The following HS3ST2 variants were observed in gnomAD, a reference collection of about 807,000 sequenced individuals.
HS3ST2 encodes heparan sulfate-glucosamine 3-sulfotransferase 2.
A neutral mutation model predicts 26.3 loss-of-function variants in HS3ST2; 17 were observed. That is an observed-to-expected ratio of 0.65 (90% CI 0.44 to 0.97). The LOEUF (loss-of-function observed/expected upper bound fraction) is 0.97, where lower values mean the gene tolerates loss of function less well. Among genes scored for constraint, HS3ST2 ranks in the 50% least tolerant of loss-of-function variants. The pLI is 0.00. For synonymous variants in HS3ST2, 237 were observed against 219.2 expected (o/e 1.08, Z -0.72); for missense variants, 402 against 501.2 (o/e 0.80, Z 1.89).
intron 1 of HS3ST2, among the ~76,000 whole-genome samples, chr16:22,817,772 G>A (rs1203998098): frequency 6.6e-6 from 1 of 152,168 alleles, no homozygotes; most frequent in African/African-American, 2.4e-5. Context: ...AGAGTTGCAG[G>A]CAGTGTGGAT....
intron 1 of HS3ST2, among the ~76,000 whole-genome samples, chr16:22,872,663 C>T (rs1901853960): frequency 6.6e-6 from 1 of 152,172 alleles, no homozygotes; most frequent in African/African-American, 2.4e-5. Flanking sequence ...CACGTAAGTA[C>T]CTCAACCAGC....
At chr16:22,889,404 A>G (rs1426096455) in intron 1 of HS3ST2, among the ~76,000 whole-genome samples, 2 of 152,332 alleles carry the variant, frequency 1.3e-5, no homozygotes, top group East Asian at 1.9e-4. Flanking sequence ...AAAGCCCTGT[A>G]AGAAATATAC....
At chr16:22,900,039 C>G (rs964221770) in intron 1 of HS3ST2, among the ~76,000 whole-genome samples, 1 of 152,234 alleles carries the variant, frequency 6.6e-6, no homozygotes, top group Non-Finnish European at 1.5e-5. Context: ...TCAGGTGCTC[C>G]TGGCACCCAG....
chr16:22,897,377 TTGC>T (rs1902224587), intron 1 of HS3ST2, among the ~76,000 whole-genome samples: 1 of 152,190 alleles, frequency 6.6e-6, no homozygotes, highest in Non-Finnish European at 1.5e-5. Context: ...CAGCAAATAT[TTGC>T]TGAGTAAGTA....
chr16:22,882,859 C>T (rs547100778), intron 1 of HS3ST2, among the ~76,000 whole-genome samples: 7 of 151,950 alleles, frequency 4.6e-5, no homozygotes, highest in South Asian at 4.2e-4. Context: ...GTTGAAACTC[C>T]GTCTCAACTA....
intron 1 of HS3ST2, among the ~76,000 whole-genome samples, chr16:22,848,913 C>T (rs908632696): frequency 1.3e-5 from 2 of 152,182 alleles, no homozygotes; most frequent in Non-Finnish European, 2.9e-5. Context: ...AGGTTATACC[C>T]GCCTTACAAT....
At chr16:22,854,982 A>G (rs1219395475) in intron 1 of HS3ST2, among the ~76,000 whole-genome samples, 1 of 152,068 alleles carries the variant, frequency 6.6e-6, no homozygotes, top group East Asian at 1.9e-4. Context: ...CTGGCTTTAA[A>G]CTACAATCAC....
chr16:22,873,904 G>GCCCCATCTCTGAGTGATCTCCCATTCTT (rs1901872987), intron 1 of HS3ST2, among the ~76,000 whole-genome samples: 1 of 152,174 alleles, frequency 6.6e-6, no homozygotes, highest in Non-Finnish European at 1.5e-5. Context: ...GATGATGGAG[G>GCCCCATCTCTGAGTGATCTCCCATTCTT]CCCCATCTCT....
chr16:22,853,071 C>T (rs573675048), intron 1 of HS3ST2, among the ~76,000 whole-genome samples: 34 of 152,270 alleles, frequency 2.2e-4, no homozygotes, highest in Non-Finnish European at 3.4e-4. Flanking sequence ...CATATAGCAG[C>T]ATGCACAAAT....
At chr16:22,841,564 AT>A (rs769931769) in intron 1 of HS3ST2, among the ~76,000 whole-genome samples, 12 of 152,194 alleles carry the variant, frequency 7.9e-5, no homozygotes, top group Admixed American at 1.3e-4. Flanking sequence ...TTCCCAAATA[AT>A]ACAAGAACCT....
At position 22,915,889 on chromosome 16, in the gene HS3ST2, G is replaced by A. The variant is rs1596636257; in HGVS notation, c.*327G>A. 6.7e-6 allele frequency: 2 copies of A among 297,564 alleles called. No homozygotes were observed. The highest frequency in any genetic ancestry group is 6.1e-5 in the South Asian group (1 of 16,472). 18.4% of individuals were successfully genotyped at this position (297,564 alleles called of 1,614,324 possible). ...GTTCCAATGATGATAGATATTATAA[G>A]CGATGATGGTTCTGTTGCTATGAAC... On this transcript the variant is annotated 3_prime_UTR_variant, in exon 2 of 2. Transcript: ENST00000261374.
In HS3ST2 at chr16:22,915,128, G is replaced by A. The variant is rs533578919; in HGVS notation, c.670G>A (p.Asp224Asn). 1.5e-5 allele frequency: 24 copies of A among 1,613,990 alleles called. 1 individual carries two copies. The highest frequency in any genetic ancestry group is 8.9e-5 in the East Asian group (4 of 44,888). The change falls in exon 2 of 2, where the codon GAC becomes AAC. Residue 224 changes from aspartate to asparagine, a missense_variant. Transcript: ENST00000261374. ...CACGCAGACACTCTCCAAGAAGCCCGACATCCCGACCTTTGAGGGCCTCTC... is the reference window on the plus strand; with the variant it reads ...CACGCAGACACTCTCCAAGAAGCCCAACATCCCGACCTTTGAGGGCCTCTC... ...DYTQTLSKKP[D>N]IPTFEGLSFR...
At chr16:22,884,676 AT>A (rs1406304834) in intron 1 of HS3ST2, among the ~76,000 whole-genome samples, 1 of 137,416 alleles carries the variant, frequency 7.3e-6, no homozygotes, top group African/African-American at 2.7e-5. Context: ...ATATATATAT[AT>A]TATATATATA....
At chr16:22,851,405 G>C (rs919170068) in intron 1 of HS3ST2, among the ~76,000 whole-genome samples, 2 of 152,172 alleles carry the variant, frequency 1.3e-5, no homozygotes, top group East Asian at 3.8e-4. Flanking sequence ...TGGAGTCAAG[G>C]GGCTTGCTCA....
At chr16:22,853,658 G>C (rs946175614) in intron 1 of HS3ST2, among the ~76,000 whole-genome samples, 7 of 152,150 alleles carry the variant, frequency 4.6e-5, no homozygotes, top group Admixed American at 1.3e-4. Context: ...GGGCCTGAAG[G>C]TGCCACGGAA....
intron 1 of HS3ST2, among the ~76,000 whole-genome samples, chr16:22,857,612 G>A (rs942418553): frequency 1.3e-5 from 2 of 152,156 alleles, no homozygotes; most frequent in Non-Finnish European, 2.9e-5. Flanking sequence ...CTGATTCTGG[G>A]CTGGGGAAAG....
intron 1 of HS3ST2, among the ~76,000 whole-genome samples, chr16:22,913,312 C>G (rs1902450625): frequency 6.6e-6 from 1 of 152,098 alleles, no homozygotes; most frequent in Non-Finnish European, 1.5e-5. Context: ...TCCCGTCCAT[C>G]AAGGCCTGAA....
chr16:22,820,657 A>T (rs1439678691), intron 1 of HS3ST2, among the ~76,000 whole-genome samples: 1 of 152,250 alleles, frequency 6.6e-6, no homozygotes, highest in Non-Finnish European at 1.5e-5. Context: ...TGATTCAATT[A>T]TCTCCCACCT....
intron 1 of HS3ST2, among the ~76,000 whole-genome samples, chr16:22,858,092 G>C (rs1055932664): frequency 7.8e-6 from 1 of 127,782 alleles, no homozygotes; most frequent in Non-Finnish European, 1.6e-5. Flanking sequence ...GAGCTCTTAG[G>C]CATTTTAGAA....
Sources: gnomAD v4.1 joint callset for allele counts (sites outside exome capture counted in the v4.1 genomes callset) on GRCh38, gnomAD v4.1.1 for gene constraint, MANE v1.5 for transcripts, NCBI Gene and HGNC (gene_info 2026-07-23, HGNC 2026-07-21) for gene names.